Variants in MRPL13 observed in about 807,000 individuals in gnomAD.
MRPL13 encodes the protein large ribosomal subunit protein uL13m.
A neutral mutation model predicts 29.0 loss-of-function variants in MRPL13; 33 were observed. That is an observed-to-expected ratio of 1.14 (90% CI 0.86 to 1.52). MRPL13 has a LOEUF of 1.52. MRPL13 is among the 40% of genes most tolerant of loss of function. The pLI is 0.00. For missense variants in MRPL13, 227 were observed against 216.7 expected, an observed-to-expected ratio of 1.05 and a Z score of -0.30; for synonymous variants, 77 against 68.4, an observed-to-expected ratio of 1.13 and a Z score of -0.62.
chr8:120,439,801 A>G (rs963077743), intron 2 of MRPL13, among the ~76,000 whole-genome samples: 1 of 152,238 alleles, frequency 6.6e-6, no homozygotes. Flanking sequence ...AAAAGGTTAG[A>G]GCAGCAAGTA....
intron 5 of MRPL13, among the ~76,000 whole-genome samples, chr8:120,416,350 C>T (rs13278704): frequency 0.53 from 80,222 of 151,708 alleles, 24,480 homozygotes; most frequent in Non-Finnish European, 0.67. Context: ...AAAAATTAGC[C>T]GGGCGTGGTG....
intron 5 of MRPL13, among the ~76,000 whole-genome samples, chr8:120,419,270 T>G (rs565153655): frequency 5.9e-5 from 9 of 151,936 alleles, no homozygotes; most frequent in Non-Finnish European, 1.2e-4. Context: ...TGATAAAATA[T>G]TATTTTATTA....
At chr8:120,402,200 C>T (rs1025378923) in intron 6 of MRPL13, among the ~76,000 whole-genome samples, 3 of 152,124 alleles carry the variant, frequency 2.0e-5, no homozygotes, top group Non-Finnish European at 1.5e-5. Flanking sequence ...CAAGACAATC[C>T]TAAGCAAAAA....
intron 5 of MRPL13, among the ~76,000 whole-genome samples, chr8:120,417,517 G>A (rs939046823): frequency 6.6e-6 from 1 of 151,996 alleles, no homozygotes; most frequent in Non-Finnish European, 1.5e-5. Context: ...TCAGAAAGAA[G>A]GGACATCATA....
chr8:120,443,320 A>AG lies in MRPL13; in HGVS notation c.28-13_28-12insC, dbSNP rs565175112. The AG allele has an allele frequency of 2.2e-5, 17 of 782,354 alleles. No individual in the cohort carries two copies. The highest frequency in any genetic ancestry group is 2.8e-5 in the African/African-American group (1 of 36,164). 48.5% of individuals were successfully genotyped at this position (782,354 alleles called of 1,614,324 possible). ...AAAGTGGCCCATTGCTTGGGGGGGA[A>AG]AAAAAAAAAAAAGAAGAGGAAAAAA... On this transcript the variant is annotated splice_polypyrimidine_tract_variant and intron_variant, in intron 1 of 6. Coordinates refer to ENST00000306185, the MANE Select transcript of MRPL13 (RefSeq NM_014078.6).
chr8:120,417,577 G>A (rs1184669344), intron 5 of MRPL13, among the ~76,000 whole-genome samples: 1 of 151,836 alleles, frequency 6.6e-6, no homozygotes. Flanking sequence ...ATAGATTTTT[G>A]TTTTCTTATT....
chr8:120,396,223 T>C, intron 6 of MRPL13, 98 bp from the exon 7 acceptor site: 1 of 932,018 alleles, frequency 1.1e-6, no homozygotes, highest in Non-Finnish European at 1.6e-6. Flanking sequence ...AAATAACTGT[T>C]CACCAAGAAA....
chr8:120,414,231 C>A, intron 5 of MRPL13, 119 bp from the exon 6 acceptor site: 3 of 807,388 alleles, frequency 3.7e-6, no homozygotes, highest in South Asian at 4.9e-5. Context: ...ATAAGGAAAA[C>A]ATAAAATCTT....
At chr8:120,403,940 T>A (rs1812635417) in intron 6 of MRPL13, among the ~76,000 whole-genome samples, 1 of 152,214 alleles carries the variant, frequency 6.6e-6, no homozygotes, top group Non-Finnish European at 1.5e-5. Flanking sequence ...CTTTGCCATA[T>A]CAGCCATCTA....
chr8:120,441,660 C>G (rs1408751650), intron 2 of MRPL13, among the ~76,000 whole-genome samples: 2 of 152,112 alleles, frequency 1.3e-5, no homozygotes, highest in East Asian at 3.8e-4. Context: ...AATACATAAA[C>G]CTAGGTTGCA....
rs1025235425 is a variant in MRPL13 at position 120,408,996 on chromosome 8, C to T, written c.515+4995G>A. Among the ~76,000 whole-genome samples the T allele has an allele frequency of 1.8e-4, 28 of 152,166 alleles. 1 individual carries two copies. Among genetic ancestry groups the T allele is most frequent in the Admixed American group, 5.2e-4 (8 of 15,274 alleles). On this transcript the variant is annotated intron_variant, in intron 6 of 6. Coordinates refer to ENST00000306185, the MANE Select transcript of MRPL13 (RefSeq NM_014078.6). ...AACTCCCTAATCCTCATCCTACTTT[C>T]GAAGAGACAGTTCTGCATCAGTAAT...
At chr8:120,400,746 A>T (rs1050293456) in intron 6 of MRPL13, among the ~76,000 whole-genome samples, 30 of 80,474 alleles carry the variant, frequency 3.7e-4, no homozygotes, top group African/African-American at 1.5e-3. Flanking sequence ...ATAAATAAAA[A>T]AAATAGACTG....
intron 6 of MRPL13, among the ~76,000 whole-genome samples, chr8:120,403,112 T>C (rs1314404460): frequency 6.6e-6 from 1 of 152,106 alleles, no homozygotes; most frequent in East Asian, 1.9e-4. Context: ...GATCTAGAGG[T>C]AGAAATACCA....
At chr8:120,438,521 G>A (rs959090863) in intron 2 of MRPL13, among the ~76,000 whole-genome samples, 3 of 152,192 alleles carry the variant, frequency 2.0e-5, no homozygotes, top group African/African-American at 7.2e-5. Context: ...ACTTTGAGTG[G>A]ACAGTTAGTG....
chr8:120,420,489 A>C (rs1052762608), intron 4 of MRPL13, among the ~76,000 whole-genome samples: 3 of 147,366 alleles, frequency 2.0e-5, no homozygotes, highest in Non-Finnish European at 4.5e-5. Flanking sequence ...TATATATAAA[A>C]TATATATAAA....
chr8:120,411,832 T>G (rs536558096), intron 6 of MRPL13, among the ~76,000 whole-genome samples: 1 of 152,090 alleles, frequency 6.6e-6, no homozygotes, highest in Non-Finnish European at 1.5e-5. Flanking sequence ...AAAATCTCCT[T>G]AAAAATAGCT....
intron 6 of MRPL13, among the ~76,000 whole-genome samples, chr8:120,413,373 C>G (rs1031387011): frequency 6.6e-6 from 1 of 151,966 alleles, no homozygotes; most frequent in African/African-American, 2.4e-5. Flanking sequence ...TGGAAGTGTA[C>G]GATGAGAACC....
intron 4 of MRPL13, among the ~76,000 whole-genome samples, chr8:120,421,419 T>C (rs140631760): frequency 2.0e-5 from 3 of 151,986 alleles, no homozygotes; most frequent in East Asian, 1.9e-4. Flanking sequence ...ATTTCACAAA[T>C]AGTATTCCAA....
rs1162523107 is a variant in MRPL13 at position 120,395,480 on chromosome 8, C to G, written c.*624G>C. On this transcript the variant is annotated 3_prime_UTR_variant, in exon 7 of 7. Transcript: ENST00000306185. Reference sequence around the variant, plus strand: ...AGCCAACAGGACAGATATGGGAAAACAGTGTGGAGAGTCTACAAACAGAAT... The same window carrying G: ...AGCCAACAGGACAGATATGGGAAAAGAGTGTGGAGAGTCTACAAACAGAAT... The G allele has an allele frequency of 1.3e-5, 2 of 152,298 alleles. No homozygotes were observed. The highest frequency in any genetic ancestry group is 1.3e-4 in the Admixed American group (2 of 15,266). The allele number at this position is 152,298 out of a possible 1,614,324, so 9.4% of individuals were successfully genotyped here. A position where few individuals can be genotyped will look rare whatever the true frequency, so the allele number is the denominator to read the frequency against.
Sources: gnomAD v4.1 joint callset for allele counts (sites outside exome capture counted in the v4.1 genomes callset) on GRCh38, gnomAD v4.1.1 for gene constraint, MANE v1.5 for transcripts, NCBI Gene and HGNC (gene_info 2026-07-23, HGNC 2026-07-21) for gene names.